DDX60: variants seen among roughly 807,000 people sequenced by gnomAD.
The protein encoded by DDX60 is DExD/H-box helicase 60.
DDX60 carries 165 observed loss-of-function variants against 212.8 expected under a neutral mutation model. The ratio of observed to expected loss-of-function variants is 0.78; its 90% confidence interval spans 0.68 to 0.88. DDX60 has a LOEUF of 0.88. DDX60 is among the 40% of genes least tolerant of loss of function. The pLI is 0.00. For missense variants in DDX60, 1,905 were observed against 2,003.9 expected (o/e 0.95, Z 0.94); for synonymous variants, 703 against 685.3 (o/e 1.03, Z -0.40).
At chr4:168,279,426 C>T (rs141012655) in intron 14 of DDX60, among the ~76,000 whole-genome samples, 342 of 152,342 alleles carry the variant, frequency 2.2e-3, no homozygotes, top group African/African-American at 7.3e-3. Flanking sequence ...AAGCCACATA[C>T]ACCTGCCTGG....
chr4:168,268,747 A>T, intron 20 of DDX60, 107 bp downstream of exon 20: 1 of 611,832 alleles, frequency 1.6e-6, no homozygotes, highest in Non-Finnish European at 2.7e-6. Context: ...ATAAACTATT[A>T]AATTCACTAG....
At chr4:168,260,610 G>A (rs771210051) in intron 25 of DDX60, among the ~76,000 whole-genome samples, 5 of 152,084 alleles carry the variant, frequency 3.3e-5, no homozygotes, top group Admixed American at 1.3e-4. Flanking sequence ...CCAGACATTC[G>A]TTAGATTCTC....
the DDX60 span, among the ~76,000 whole-genome samples, chr4:168,325,091 A>C: frequency 3.9e-5 from 6 of 152,312 alleles, no homozygotes; most frequent in African/African-American, 1.2e-4. Context: ...TTTTTTGAGC[A>C]TTATGTATGA....
chr4:168,228,202 C>T (rs943581178), intron 33 of DDX60, among the ~76,000 whole-genome samples: 1 of 151,880 alleles, frequency 6.6e-6, no homozygotes, highest in South Asian at 2.1e-4. Context: ...TCCAGATATA[C>T]CTGAATGAAG....
chr4:168,233,472 T>C (rs1405482980), intron 33 of DDX60, among the ~76,000 whole-genome samples: 1 of 152,058 alleles, frequency 6.6e-6, no homozygotes, highest in Non-Finnish European at 1.5e-5. Context: ...TGCCCATCAG[T>C]CAATGAGTGG....
intron 1 of DDX60, among the ~76,000 whole-genome samples, chr4:168,316,941 C>G (rs1319033174): frequency 6.6e-6 from 1 of 151,390 alleles, no homozygotes; most frequent in Non-Finnish European, 1.5e-5. Flanking sequence ...ACCTGTAATC[C>G]CAGCTACTTG....
chr4:168,270,137 C>A (rs1372327020), intron 19 of DDX60, among the ~76,000 whole-genome samples: 1 of 152,202 alleles, frequency 6.6e-6, no homozygotes, highest in South Asian at 2.1e-4. Context: ...TAAACTGTAA[C>A]CTTAGACCTG....
chr4:168,319,206 G>A (rs1266356664), upstream of DDX60, among the ~76,000 whole-genome samples: 1 of 151,702 alleles, frequency 6.6e-6, no homozygotes, highest in Non-Finnish European at 1.5e-5. Flanking sequence ...AAAATAAAAT[G>A]AAACTAAAAA....
chr4:168,226,070 T>G (rs1733243730), intron 33 of DDX60, among the ~76,000 whole-genome samples: 1 of 151,926 alleles, frequency 6.6e-6, no homozygotes, highest in African/African-American at 2.4e-5. Flanking sequence ...GTTTTGAGGG[T>G]TTTTTAAACC....
At chr4:168,238,774 C>T (rs970519378) in intron 30 of DDX60, among the ~76,000 whole-genome samples, 33 of 152,026 alleles carry the variant, frequency 2.2e-4, no homozygotes, top group African/African-American at 8.0e-4. Flanking sequence ...TATAAGAATC[C>T]TGATAGCATT....
At chr4:168,310,959 G>C in intron 3 of DDX60, 39 bp downstream of exon 3, 1 of 1,212,446 alleles carries the variant, frequency 8.2e-7, no homozygotes, top group Non-Finnish European at 1.2e-6. Flanking sequence ...GGGAACATGA[G>C]CTATGATTTC....
the DDX60 span, among the ~76,000 whole-genome samples, chr4:168,324,955 C>T: frequency 6.6e-6 from 1 of 152,232 alleles, no homozygotes; most frequent in Non-Finnish European, 1.5e-5. Flanking sequence ...TATGTCCCTT[C>T]AGAAGTGAAG....
At chr4:168,322,206 G>A (rs1737622440), upstream of DDX60, among the ~76,000 whole-genome samples, 1 of 152,172 alleles carries the variant, frequency 6.6e-6, no homozygotes, top group African/African-American at 2.4e-5. Context: ...CTCTTCTAAA[G>A]TGCCTCTTCT....
chr4:168,294,947 C>T (rs116403252), intron 6 of DDX60, among the ~76,000 whole-genome samples: 2,504 of 152,158 alleles, frequency 0.016, 82 homozygotes, highest in African/African-American at 0.056. Flanking sequence ...AAAAACCCAA[C>T]GGCCAATAGG....
At chr4:168,303,350 T>C (rs1010288340) in intron 5 of DDX60, among the ~76,000 whole-genome samples, 2 of 151,278 alleles carry the variant, frequency 1.3e-5, no homozygotes, top group Non-Finnish European at 2.9e-5. Flanking sequence ...AGTGTGTAGG[T>C]ACTGTTAAAA....
upstream of DDX60, among the ~76,000 whole-genome samples, chr4:168,322,741 T>C (rs1737631202): frequency 6.6e-6 from 1 of 152,212 alleles, no homozygotes. Flanking sequence ...CACGGAAGTT[T>C]GACAGCAGTT....
chr4:168,293,273 C>T (rs989635738), intron 7 of DDX60, among the ~76,000 whole-genome samples: 3 of 152,182 alleles, frequency 2.0e-5, no homozygotes, highest in Non-Finnish European at 2.9e-5. Flanking sequence ...CAAGACACTA[C>T]AGCAGGAAGG....
chr4:168,290,328 C>CT (rs547452038), intron 8 of DDX60, among the ~76,000 whole-genome samples: 3,484 of 124,236 alleles, frequency 0.028, 116 homozygotes, highest in East Asian at 0.13. Context: ...CTTTTCTTTT[C>CT]TTTTTTTTTT....
At chr4:168,284,744 A>G (rs1734861228) in intron 12 of DDX60, 76 bp downstream of exon 12, 3 of 700,088 alleles carry the variant, frequency 4.3e-6, no homozygotes, top group Admixed American at 6.0e-5. Context: ...GTGTCTTATG[A>G]TAATTTTCCA....
Sources: gnomAD v4.1 joint callset for allele counts (sites outside exome capture counted in the v4.1 genomes callset) on GRCh38, gnomAD v4.1.1 for gene constraint, MANE v1.5 for transcripts, NCBI Gene and HGNC (gene_info 2026-07-23, HGNC 2026-07-21) for gene names.